GRM7: variants seen among roughly 807,000 people sequenced by gnomAD.
GRM7 encodes the protein metabotropic glutamate receptor 7.
In GRM7, 35 loss-of-function variants were observed where a neutral mutation model predicts 84.5. That is an observed-to-expected ratio of 0.41 (90% CI 0.32 to 0.55). The LOEUF (loss-of-function observed/expected upper bound fraction) is 0.55. Among genes scored for constraint, GRM7 ranks in the 20% least tolerant of loss-of-function variants. The pLI is 0.19. For missense variants in GRM7, 1,003 were observed against 1,194.6 expected, an observed-to-expected ratio of 0.84 and a Z score of 2.36; for synonymous variants, 487 against 455.1, an observed-to-expected ratio of 1.07 and a Z score of -0.89.
intron 1 of GRM7, among the ~76,000 whole-genome samples, chr3:6,926,764 A>G (rs965595300): frequency 7.2e-5 from 11 of 152,208 alleles, no homozygotes; most frequent in African/African-American, 2.7e-4. Context: ...GTAGAACTAT[A>G]TGCAAGGGAT....
At chr3:6,909,968 A>G (rs1051631459) in intron 1 of GRM7, among the ~76,000 whole-genome samples, 1 of 152,132 alleles carries the variant, frequency 6.6e-6, no homozygotes, top group Non-Finnish European at 1.5e-5. Flanking sequence ...ATGATTCCTC[A>G]ATGGACTGAT....
intron 9 of GRM7, among the ~76,000 whole-genome samples, chr3:7,718,489 A>G (rs1701837751): frequency 1.3e-5 from 2 of 152,206 alleles, no homozygotes; most frequent in South Asian, 4.1e-4. Context: ...TGCCTCCAGG[A>G]GAGCTCAGAC....
chr3:7,466,908 T>G (rs184409009), intron 7 of GRM7, among the ~76,000 whole-genome samples: 217 of 152,332 alleles, frequency 1.4e-3, no homozygotes, highest in African/African-American at 5.0e-3. Context: ...TCCTTGAAGG[T>G]AGAATCCATG....
intron 4 of GRM7, among the ~76,000 whole-genome samples, chr3:7,380,386 CATAAG>C (rs1694540711): frequency 1.3e-5 from 2 of 152,090 alleles, no homozygotes; most frequent in African/African-American, 4.8e-5. Context: ...GCTTTCTGTT[CATAAG>C]ATATTTTGTG....
chr3:7,065,532 C>A (rs1414126534), intron 1 of GRM7, among the ~76,000 whole-genome samples: 1 of 151,882 alleles, frequency 6.6e-6, no homozygotes, highest in Non-Finnish European at 1.5e-5. Context: ...GTTCTCTATT[C>A]TCTTCCATTG....
chr3:7,725,244 A>G (rs2106522306), intron 9 of GRM7, among the ~76,000 whole-genome samples: 1 of 152,262 alleles, frequency 6.6e-6, no homozygotes, highest in Non-Finnish European at 1.5e-5. Context: ...AAGGAAGAGA[A>G]ATTTAATCCT....
chr3:7,572,867 TATATATATATATAA>T lies in GRM7; in HGVS notation c.1516-5551_1516-5538del, dbSNP rs1330144261. Among the ~76,000 whole-genome samples, 17 of 57,652 alleles carry T rather than the reference TATATATATATATAA, an allele frequency of 2.9e-4. 1 individual carries two copies. The highest frequency in any genetic ancestry group is 8.7e-4 in the African/African-American group (15 of 17,248). The allele number at this position is 57,652 out of a possible 152,430, so 37.8% of individuals were successfully genotyped here. On this transcript the variant is annotated intron_variant, in intron 7 of 9. Coordinates refer to ENST00000357716, the MANE Select transcript of GRM7 (RefSeq NM_000844.4). ...ATATATATATATATATATATATATATATATATATATATAAATAATCTTTCTACCTATAATAATTC... is the reference window on the plus strand; with the variant it reads ...ATATATATATATATATATATATATATATAATCTTTCTACCTATAATAATTC...
intron 7 of GRM7, among the ~76,000 whole-genome samples, chr3:7,516,199 C>G (rs6775145): frequency 7.3e-6 from 1 of 137,740 alleles, no homozygotes; most frequent in Non-Finnish European, 1.5e-5. Flanking sequence ...GGGCTGGGCA[C>G]GGTGGCTCAC....
rs576067111 is a variant in GRM7 at position 7,403,697 on chromosome 3, GTATA to G, written c.1034-11321_1034-11318del. On this transcript the variant is annotated intron_variant, in intron 4 of 9. Coordinates refer to ENST00000357716, the MANE Select transcript of GRM7 (RefSeq NM_000844.4). The stretch of plus-strand genomic sequence containing the variant: ...CATATATATACACACATATATATGT[GTATA>G]TATACACAAAAGAATGTATAGATGA... 7.7e-5 allele frequency among the ~76,000 whole-genome samples: 11 copies of G among 143,750 alleles called. No individual in the cohort carries two copies. In the South Asian group the frequency reaches 2.2e-3, roughly 29 times the overall value. 94.3% of individuals were successfully genotyped at this position (143,750 alleles called of 152,430 possible).
At chr3:6,873,537 A>C (rs1377620031) in intron 1 of GRM7, among the ~76,000 whole-genome samples, 1 of 152,220 alleles carries the variant, frequency 6.6e-6, no homozygotes, top group Non-Finnish European at 1.5e-5. Context: ...TAATGTTAAC[A>C]ATAGATCCGT....
At chr3:7,483,604 A>G (rs905578375) in intron 7 of GRM7, among the ~76,000 whole-genome samples, 9 of 152,170 alleles carry the variant, frequency 5.9e-5, no homozygotes, top group East Asian at 5.8e-4. Flanking sequence ...TAAAAGGACA[A>G]TAGAAAGCCG....
At chr3:7,654,377 G>GCTAT (rs1372784807) in intron 8 of GRM7, among the ~76,000 whole-genome samples, 1 of 151,998 alleles carries the variant, frequency 6.6e-6, no homozygotes, top group Non-Finnish European at 1.5e-5. Context: ...TAGCCCCTGT[G>GCTAT]CTATCTCTAT....
At chr3:7,401,086 C>T (rs189659185) in intron 4 of GRM7, among the ~76,000 whole-genome samples, 1 of 152,174 alleles carries the variant, frequency 6.6e-6, no homozygotes, top group East Asian at 1.9e-4. Flanking sequence ...ATCTCTCTAC[C>T]ATGGGGCCTT....
intron 1 of GRM7, among the ~76,000 whole-genome samples, chr3:6,982,508 T>C (rs1360070633): frequency 6.6e-6 from 1 of 152,222 alleles, no homozygotes; most frequent in Non-Finnish European, 1.5e-5. Flanking sequence ...ATATTACTTT[T>C]TAAGTTGCCT....
At position 7,135,737 on chromosome 3, in the gene GRM7, T is replaced by C. The variant is rs1037595988; in HGVS notation, c.520-10715T>C. ...GTAATATAGAGAAAAAAATATAATATACAGAGGAATAATACAAAAAGGGAG... is the reference window on the plus strand; with the variant it reads ...GTAATATAGAGAAAAAAATATAATACACAGAGGAATAATACAAAAAGGGAG... On this transcript the variant is annotated intron_variant, in intron 1 of 9. Coordinates refer to ENST00000357716, the MANE Select transcript of GRM7 (RefSeq NM_000844.4). 1.4e-4 allele frequency among the ~76,000 whole-genome samples: 21 copies of C among 151,946 alleles called. 3 individuals are homozygous for C. Among genetic ancestry groups the C allele is most frequent in the Admixed American group, 4.6e-4 (7 of 15,254 alleles).
chr3:7,492,669 T>C (rs2124952626), intron 7 of GRM7, among the ~76,000 whole-genome samples: 1 of 152,268 alleles, frequency 6.6e-6, no homozygotes, highest in South Asian at 2.1e-4. Context: ...TGATCTTTTT[T>C]CCTATAGATC....
intron 9 of GRM7, among the ~76,000 whole-genome samples, chr3:7,690,182 C>A (rs162783): frequency 0.49 from 75,151 of 151,838 alleles, 20,927 homozygotes; most frequent in East Asian, 0.91. Context: ...ATACCGTTTT[C>A]GGGAATGAAA....
intron 1 of GRM7, among the ~76,000 whole-genome samples, chr3:7,065,822 A>G (rs1253127809): frequency 2.0e-5 from 3 of 151,604 alleles, no homozygotes; most frequent in Non-Finnish European, 4.4e-5. Flanking sequence ...CCATCTATGT[A>G]TCAGCACTCT....
chr3:7,334,983 T>A (rs572260856), intron 4 of GRM7, among the ~76,000 whole-genome samples: 3 of 151,972 alleles, frequency 2.0e-5, no homozygotes, highest in African/African-American at 4.8e-5. Flanking sequence ...CAGTACACCA[T>A]TGACAGCACT....
Sources: allele counts gnomAD v4.1 joint callset (sites outside exome capture counted in the v4.1 genomes callset), GRCh38; gene constraint gnomAD v4.1.1; transcripts MANE v1.5; gene names NCBI Gene and HGNC (gene_info 2026-07-23, HGNC 2026-07-21).